The following TPD52L2 variants were observed in gnomAD, a reference collection of about 807,000 sequenced individuals.
TPD52L2 encodes tumor protein D54.
In TPD52L2, 19 loss-of-function variants were observed where a neutral mutation model predicts 24.7. That is an observed-to-expected ratio of 0.77 (90% CI 0.54 to 1.13). The LOEUF (loss-of-function observed/expected upper bound fraction) is 1.13. Ranked by LOEUF, TPD52L2 falls within the 50% of genes most tolerant of loss-of-function variation. TPD52L2 has a pLI of 0.00. For synonymous variants in TPD52L2, 104 were observed against 100.2 expected (o/e 1.04, Z -0.23); for missense variants, 236 against 250.4 (o/e 0.94, Z 0.39).
chr20:63,865,283 A>G lies in TPD52L2; in HGVS notation c.-83A>G. On this transcript the variant is annotated 5_prime_UTR_variant, in exon 1 of 7. Transcript: ENST00000346249. The stretch of plus-strand genomic sequence containing the variant: ...CGGAGCTGAGGCAGTTCCGCTGGCT[A>G]GTGTGTACGCGGCGAGCTTCTCCCG... The G allele has an allele frequency of 7.0e-7, 1 of 1,436,550 alleles. No individual in the cohort carries two copies. The highest frequency in any genetic ancestry group is 1.5e-5 in the African/African-American group (1 of 68,350). 89.0% of individuals were successfully genotyped at this position (1,436,550 alleles called of 1,614,324 possible). A position where few individuals can be genotyped will look rare whatever the true frequency, so the allele number is the denominator to read the frequency against.
At chr20:63,865,485 C>T in intron 1 of TPD52L2, 101 bp downstream of exon 1, 1 of 1,426,650 alleles carries the variant, frequency 7.0e-7, no homozygotes, top group Admixed American at 2.5e-5. Flanking sequence ...CTCTCGGTCT[C>T]GGTTCACCCA....
intron 5 of TPD52L2, chr20:63,886,083 T>G: frequency 1.2e-6 from 2 of 1,608,462 alleles, no homozygotes; most frequent in Non-Finnish European, 1.7e-6. Context: ...GACTTTTCTC[T>G]GAATTGGGGC....
At chr20:63,875,714 C>T (rs2052646703) in intron 3 of TPD52L2, 102 bp from the exon 4 acceptor site, 2 of 1,215,236 alleles carry the variant, frequency 1.6e-6, no homozygotes, top group South Asian at 1.3e-5. Flanking sequence ...GATGTTCCTG[C>T]CAGCTGGTCC....
intron 4 of TPD52L2, chr20:63,876,749 G>A (rs936959560): frequency 5.5e-5 from 25 of 455,876 alleles, no homozygotes; most frequent in African/African-American, 4.8e-4. Flanking sequence ...TGGAGCCTTT[G>A]CGTCTGGTGT....
rs1005878261 is a variant in TPD52L2, at chr20:63,865,365, C to T, written c.-1C>T. On this transcript the variant is annotated 5_prime_UTR_variant, in exon 1 of 7. Transcript: ENST00000346249. ...GACAGCGGTCCGGACGCCGCCCGAA[C>T]ATGGACTCCGCCGGCCAAGGTACCT... 7.2e-6 allele frequency: 11 copies of T among 1,529,840 alleles called. No homozygotes were observed. Among genetic ancestry groups the T allele is most frequent in the South Asian group, 6.0e-5 (5 of 82,878 alleles). The allele number at this position is 1,529,840 out of a possible 1,614,324, so 94.8% of individuals were successfully genotyped here.
In TPD52L2 at chr20:63,877,446, A is replaced by C. The variant is rs1263956695; in HGVS notation, c.374+1571A>C. On this transcript the variant is annotated intron_variant, in intron 4 of 6. Coordinates refer to ENST00000346249, the MANE Select transcript of TPD52L2 (RefSeq NM_003288.4). This position sits in a 1 kb window ranked among gnomAD's most constrained non-coding sequence, Gnocchi z 4.1. ...AGTGCTGGGATGACAGGCGTGACCC[A>C]CTGCACCCGGCTTGAGCAGGGTGTT... Among the ~76,000 whole-genome samples, 2 of 152,180 alleles carry C rather than the reference A, an allele frequency of 1.3e-5. No homozygotes were observed. The highest frequency in any genetic ancestry group is 2.9e-5 in the Non-Finnish European group (2 of 68,034).
intron 4 of TPD52L2, chr20:63,876,655 C>T (rs1199025773): frequency 4.8e-6 from 2 of 413,132 alleles, no homozygotes; most frequent in East Asian, 7.2e-5. Context: ...GGCAGAAAGT[C>T]CTCCCATGTT....
chr20:63,869,358 G>A lies in TPD52L2; in HGVS notation c.82G>A (p.Asp28Asn), dbSNP rs767864220. ...TGACTCCATGACGGATGTTCCTGTC[G>A]ACACAGGTGTGGCTGCCCGGACTCC... The part of the protein sequence containing the change: ...LSDSMTDVPV[D>N]TGVAARTPAV... The change falls in exon 2 of 7, where the codon GAC becomes AAC. Residue 28 changes from aspartate to asparagine, a missense_variant. Physicochemically the swap from Asp to Asn is conservative, Grantham distance 23. Coordinates refer to ENST00000346249, the MANE Select transcript of TPD52L2 (RefSeq NM_003288.4). The A allele has an allele frequency of 2.7e-5, 44 of 1,614,044 alleles. No individual in the cohort carries two copies. Among genetic ancestry groups the A allele is most frequent in the Non-Finnish European group, 3.5e-5 (41 of 1,180,048 alleles).
intron 2 of TPD52L2, among the ~76,000 whole-genome samples, chr20:63,871,281 G>C (rs1316426826): frequency 1.3e-5 from 2 of 151,570 alleles, no homozygotes; most frequent in African/African-American, 2.4e-5. Flanking sequence ...AGTCTCAAGA[G>C]CTCCACCTGG....
At position 63,877,560 on chromosome 20, in the gene TPD52L2, A is replaced by C. The variant is rs535566556; in HGVS notation, c.374+1685A>C. On this transcript the variant is annotated intron_variant, in intron 4 of 6. Transcript: ENST00000346249. This position sits in a 1 kb window ranked among gnomAD's most constrained non-coding sequence, Gnocchi z 4.1. ...TTCCTAGGTTGGGACAGTGACGGTC[A>C]TCCTTGCAGTTTGGGCATCAGGCGG... 1.1e-4 allele frequency among the ~76,000 whole-genome samples: 16 copies of C among 152,340 alleles called. No individual in the cohort carries two copies. The South Asian group carries it at 3.3e-3, about 32-fold the overall frequency.
At chr20:63,870,147 T>C (rs1158706264) in intron 2 of TPD52L2, among the ~76,000 whole-genome samples, 1 of 152,200 alleles carries the variant, frequency 6.6e-6, no homozygotes, top group Non-Finnish European at 1.5e-5. Flanking sequence ...CAAAAACTTC[T>C]TTTCTAAAAA....
intron 1 of TPD52L2, 47 bp downstream of exon 1, chr20:63,865,431 C>T: frequency 1.3e-6 from 2 of 1,500,484 alleles, no homozygotes; most frequent in Non-Finnish European, 8.9e-7. Flanking sequence ...CCCAGGCTGC[C>T]CGTTGTTCTC....
rs371850423 is a variant in TPD52L2 at position 63,886,416 on chromosome 20, C to A, written c.477-2774C>A. The stretch of plus-strand genomic sequence containing the variant: ...TGCTCTGTCGCCCAGGTTGGAGTGC[C>A]GTGGCGCGATCTCGGCTCACTGCAA... On this transcript the variant is annotated intron_variant, in intron 5 of 6. Coordinates refer to ENST00000346249, the MANE Select transcript of TPD52L2 (RefSeq NM_003288.4). 3.4e-3 allele frequency among the ~76,000 whole-genome samples: 512 copies of A among 151,656 alleles called. 4 individuals carry two copies. Among genetic ancestry groups the A allele is most frequent in the African/African-American group, 6.6e-3 (272 of 41,296 alleles).
rs750060322 is a variant in TPD52L2, at chr20:63,865,282, T to G, written c.-84T>G. On this transcript the variant is annotated 5_prime_UTR_variant, in exon 1 of 7. Coordinates refer to ENST00000346249, the MANE Select transcript of TPD52L2 (RefSeq NM_003288.4). ...GCGGAGCTGAGGCAGTTCCGCTGGCTAGTGTGTACGCGGCGAGCTTCTCCC... is the reference window on the plus strand; with the variant it reads ...GCGGAGCTGAGGCAGTTCCGCTGGCGAGTGTGTACGCGGCGAGCTTCTCCC... 151 of 1,437,802 alleles carry G rather than the reference T, an allele frequency of 1.1e-4. No individual in the cohort carries two copies. The highest frequency in any genetic ancestry group is 1.2e-4 in the Non-Finnish European group (134 of 1,088,994). The allele number at this position is 1,437,802 out of a possible 1,614,324, so 89.1% of individuals were successfully genotyped here.
At position 63,890,967 on chromosome 20, in the gene TPD52L2, C is replaced by T. The variant is rs895946231; in HGVS notation, c.*1022C>T. 5 of 152,556 alleles carry T rather than the reference C, an allele frequency of 3.3e-5. No individual in the cohort carries two copies. Among genetic ancestry groups the T allele is most frequent in the East Asian group, 1.9e-4 (1 of 5,338 alleles). 9.5% of individuals were successfully genotyped at this position (152,556 alleles called of 1,614,324 possible). A position where few individuals can be genotyped will look rare whatever the true frequency, so the allele number is the denominator to read the frequency against. On this transcript the variant is annotated 3_prime_UTR_variant, in exon 7 of 7. Coordinates refer to ENST00000346249, the MANE Select transcript of TPD52L2 (RefSeq NM_003288.4). ...GCATGGGCCTGGCCCGGCTCACATT[C>T]GTCAGTGACTCCAACCCTCCTGCTT...
intron 2 of TPD52L2, among the ~76,000 whole-genome samples, chr20:63,870,707 G>A (rs1208874821): frequency 6.7e-6 from 1 of 148,376 alleles, no homozygotes; most frequent in African/African-American, 2.5e-5. Flanking sequence ...TGTGTTTTTA[G>A]TCGAGATGGG....
At chr20:63,874,977 TAAAA>T (rs1200592278) in intron 3 of TPD52L2, among the ~76,000 whole-genome samples, 2 of 151,620 alleles carry the variant, frequency 1.3e-5, no homozygotes, top group Non-Finnish European at 2.9e-5. Flanking sequence ...CTGTCTCTAC[TAAAA>T]AATAAAAAAA....
chr20:63,881,836 G>A (rs973813563), intron 4 of TPD52L2, among the ~76,000 whole-genome samples: 29 of 152,208 alleles, frequency 1.9e-4, no homozygotes, highest in Admixed American at 1.5e-3. Flanking sequence ...TTGTGTTTAT[G>A]GTGGCAGCTG....
rs1568944667 is a variant in TPD52L2 at position 63,874,231 on chromosome 20, TGTGTG to T, written c.314+416_314+420del. ...CGCGCCCGGCTGATTTTTTTTTTTG[TGTGTG>T]TGTGTGTGTGTGTGTGTGTGTTTTT... On this transcript the variant is annotated intron_variant, in intron 3 of 6. Transcript: ENST00000346249. Among the ~76,000 whole-genome samples the T allele has an allele frequency of 9.3e-4, 119 of 128,568 alleles. 1 individual carries two copies. In the East Asian group the frequency reaches 0.014, roughly 15 times the overall value. 84.3% of individuals were successfully genotyped at this position (128,568 alleles called of 152,430 possible).
Sources: allele counts gnomAD v4.1 joint callset (sites outside exome capture counted in the v4.1 genomes callset), GRCh38; gene constraint gnomAD v4.1.1; non-coding constraint Gnocchi (gnomAD v3.1); transcripts MANE v1.5; gene names NCBI Gene and HGNC (gene_info 2026-07-23, HGNC 2026-07-21).